The following GRID2 variants were observed in gnomAD, a reference collection of about 807,000 sequenced individuals.
GRID2 encodes the protein glutamate ionotropic receptor delta type subunit 2, also known as glutamate receptor ionotropic, delta-2.
A neutral mutation model predicts 114.8 loss-of-function variants in GRID2; 33 were observed. The ratio of observed to expected loss-of-function variants is 0.29; its 90% confidence interval spans 0.22 to 0.38. The LOEUF (loss-of-function observed/expected upper bound fraction) is 0.38. GRID2 is among the 10% of genes least tolerant of loss of function. GRID2 has a pLI of 1.00. For synonymous variants in GRID2, 505 were observed against 449.9 expected (o/e 1.12, Z -1.55); for missense variants, 1,184 against 1,257.7 (o/e 0.94, Z 0.89).
intron 2 of GRID2, among the ~76,000 whole-genome samples, chr4:92,910,109 T>C (rs893320915): frequency 6.6e-6 from 1 of 151,982 alleles, no homozygotes; most frequent in African/African-American, 2.4e-5. Flanking sequence ...TTAAAGCCAT[T>C]ATAATATAGG....
chr4:93,274,624 G>C (rs1426290704), intron 8 of GRID2, among the ~76,000 whole-genome samples: 1 of 152,038 alleles, frequency 6.6e-6, no homozygotes, highest in Non-Finnish European at 1.5e-5. Context: ...CCGAGTGACA[G>C]AGACTATATC....
chr4:93,123,416 A>G (rs548276053), intron 4 of GRID2, among the ~76,000 whole-genome samples: 61 of 152,200 alleles, frequency 4.0e-4, no homozygotes, highest in Non-Finnish European at 6.0e-4. Context: ...CTTCAAGACA[A>G]GAAAATTGAA....
intron 4 of GRID2, among the ~76,000 whole-genome samples, chr4:93,178,662 A>G (rs1739596784): frequency 6.6e-6 from 1 of 152,114 alleles, no homozygotes; most frequent in Non-Finnish European, 1.5e-5. Flanking sequence ...TGCTAGGATT[A>G]CACTTGTGAG....
At chr4:92,998,202 A>G (rs1237822295) in intron 2 of GRID2, among the ~76,000 whole-genome samples, 1 of 152,042 alleles carries the variant, frequency 6.6e-6, no homozygotes, top group Non-Finnish European at 1.5e-5. Context: ...TCTCATAATC[A>G]ATTATTTGGA....
intron 8 of GRID2, among the ~76,000 whole-genome samples, chr4:93,305,518 A>G (rs1043905942): frequency 1.3e-5 from 2 of 152,154 alleles, no homozygotes; most frequent in East Asian, 3.9e-4. Flanking sequence ...GGTTCTTTCA[A>G]TATTGAGAGA....
chr4:93,738,864 G>C (rs772439232), intron 14 of GRID2, among the ~76,000 whole-genome samples: 1 of 152,042 alleles, frequency 6.6e-6, no homozygotes, highest in African/African-American at 2.4e-5. Context: ...GAATATAAAA[G>C]CCCCTGCTAT....
At chr4:93,351,715 GTTA>G (rs1470769360) in intron 8 of GRID2, among the ~76,000 whole-genome samples, 4 of 151,928 alleles carry the variant, frequency 2.6e-5, no homozygotes, top group African/African-American at 9.6e-5. Context: ...TTTTTATAAT[GTTA>G]TTATGTGAAT....
Position 92,566,973 on chromosome 4 carries a change from G to A in GRID2, c.89-23158G>A, listed in dbSNP as rs185302891. On this transcript the variant is annotated intron_variant, in intron 1 of 15. Coordinates refer to ENST00000282020, the MANE Select transcript of GRID2 (RefSeq NM_001510.4). ...GATTTGTTTCACTGTGATTAACATT[G>A]TACCTCTCATTTACTTACTTGTCAG... 1.7e-3 allele frequency among the ~76,000 whole-genome samples: 257 copies of A among 152,086 alleles called. 1 individual carries two copies. Among genetic ancestry groups the A allele is most frequent in the African/African-American group, 6.1e-3 (252 of 41,528 alleles).
chr4:92,582,591 A>T (rs115924415), intron 1 of GRID2, among the ~76,000 whole-genome samples: 4,135 of 152,092 alleles, frequency 0.027, 196 homozygotes, highest in African/African-American at 0.094. Flanking sequence ...AATATGCCTA[A>T]TTAATAAAAT....
chr4:93,253,546 T>C (rs1485858408), intron 8 of GRID2, among the ~76,000 whole-genome samples: 1 of 152,138 alleles, frequency 6.6e-6, no homozygotes, highest in Non-Finnish European at 1.5e-5. Flanking sequence ...AATGTCCACA[T>C]TGTTCCTAAT....
At chr4:93,489,387 G>A (rs546702747) in intron 11 of GRID2, among the ~76,000 whole-genome samples, 2 of 152,052 alleles carry the variant, frequency 1.3e-5, no homozygotes, top group African/African-American at 4.8e-5. Flanking sequence ...AAGAAATAAA[G>A]TCAGACAATT....
chr4:92,677,357 T>C (rs1181624945), intron 2 of GRID2, among the ~76,000 whole-genome samples: 1 of 152,164 alleles, frequency 6.6e-6, no homozygotes, highest in African/African-American at 2.4e-5. Context: ...AGACAAAAGA[T>C]CAGAGGAATA....
chr4:93,714,751 T>C (rs567653293), intron 14 of GRID2, among the ~76,000 whole-genome samples: 2 of 152,340 alleles, frequency 1.3e-5, no homozygotes, highest in East Asian at 3.9e-4. Context: ...GTCTGTCATG[T>C]CCTTTGCCCA....
chr4:92,791,470 G>A (rs1253606162), intron 2 of GRID2, among the ~76,000 whole-genome samples: 2 of 151,702 alleles, frequency 1.3e-5, no homozygotes, highest in African/African-American at 4.8e-5. Flanking sequence ...TTTTACTTAA[G>A]AATTGTCATC....
intron 2 of GRID2, among the ~76,000 whole-genome samples, chr4:92,633,664 T>G (rs746024403): frequency 2.0e-5 from 3 of 152,288 alleles, no homozygotes; most frequent in Non-Finnish European, 4.4e-5. Flanking sequence ...GATTGAATAA[T>G]GATTTTGGGG....
intron 14 of GRID2, among the ~76,000 whole-genome samples, chr4:93,652,174 A>G (rs1477283026): frequency 6.6e-6 from 1 of 152,140 alleles, no homozygotes; most frequent in Non-Finnish European, 1.5e-5. Flanking sequence ...CCTATCTAAT[A>G]TGACTTGTGT....
intron 1 of GRID2, among the ~76,000 whole-genome samples, chr4:92,408,431 C>CTTTTTTTTTTTTTTTT (rs35638036): frequency 3.6e-4 from 7 of 19,428 alleles, no homozygotes; most frequent in Admixed American, 7.2e-4. Flanking sequence ...TATTCAAGCT[C>CTTTTTTTTTTTTTTTT]TTTTTTTTTT....
intron 2 of GRID2, among the ~76,000 whole-genome samples, chr4:92,727,239 G>T (rs1221037281): frequency 3.9e-5 from 6 of 152,074 alleles, no homozygotes; most frequent in African/African-American, 1.4e-4. Context: ...ACAATAAAAA[G>T]ACTTAATTTA....
At chr4:93,297,877 A>G (rs966562505) in intron 8 of GRID2, among the ~76,000 whole-genome samples, 1 of 152,242 alleles carries the variant, frequency 6.6e-6, no homozygotes, top group Non-Finnish European at 1.5e-5. Flanking sequence ...AGGAAATCAG[A>G]TGGAGCATAC....
Sources: gnomAD v4.1 joint callset for allele counts (sites outside exome capture counted in the v4.1 genomes callset) on GRCh38, gnomAD v4.1.1 for gene constraint, MANE v1.5 for transcripts, NCBI Gene and HGNC (gene_info 2026-07-23, HGNC 2026-07-21) for gene names.